SORCS1: variants seen among roughly 807,000 people sequenced by gnomAD.
The protein encoded by SORCS1 is VPS10 domain-containing receptor SorCS1.
In SORCS1, 60 loss-of-function variants were observed where a neutral mutation model predicts 146.1. The observed-to-expected ratio is 0.41, with a 90% confidence interval of 0.33 to 0.51. The LOEUF (loss-of-function observed/expected upper bound fraction) is 0.51, where lower values mean the gene tolerates loss of function less well. Ranked by LOEUF, SORCS1 falls within the 20% of genes least tolerant of loss-of-function variation. The probability of loss-of-function intolerance (pLI) is 0.21; values close to 1 mark genes in which losing one functional copy is unlikely to be tolerated. For missense variants in SORCS1, 1,352 were observed against 1,487.6 expected, an observed-to-expected ratio of 0.91 and a Z score of 1.50; for synonymous variants, 637 against 584.0, an observed-to-expected ratio of 1.09 and a Z score of -1.31.
chr10:106,619,208 T>A (rs2133480781), intron 20 of SORCS1, among the ~76,000 whole-genome samples: 1 of 152,310 alleles, frequency 6.6e-6, no homozygotes, highest in African/African-American at 2.4e-5. Flanking sequence ...TTAGTACTAG[T>A]TTTCAGGGAA....
intron 3 of SORCS1, among the ~76,000 whole-genome samples, chr10:106,801,380 A>AT (rs890766222): frequency 1.1e-3 from 161 of 149,140 alleles, no homozygotes; most frequent in African/African-American, 3.6e-3. Context: ...TAATTGGTCT[A>AT]TTTTTTTTAC....
chr10:107,110,387 T>C (rs549286019), intron 1 of SORCS1, among the ~76,000 whole-genome samples: 1 of 152,314 alleles, frequency 6.6e-6, no homozygotes, highest in South Asian at 2.1e-4. Context: ...ATAGAAAGTA[T>C]GGTGCAGGCA....
At chr10:106,969,281 C>G (rs1955653211) in intron 1 of SORCS1, among the ~76,000 whole-genome samples, 1 of 152,114 alleles carries the variant, frequency 6.6e-6, no homozygotes, top group Non-Finnish European at 1.5e-5. Context: ...TTAAAAGAAA[C>G]TTAAAATTGG....
intron 24 of SORCS1, among the ~76,000 whole-genome samples, chr10:106,581,556 A>G (rs1288476025): frequency 1.3e-5 from 2 of 152,128 alleles, no homozygotes; most frequent in Non-Finnish European, 2.9e-5. Context: ...ACATATATGC[A>G]TATGTGTATA....
intron 1 of SORCS1, among the ~76,000 whole-genome samples, chr10:107,107,937 A>G (rs2134431481): frequency 6.6e-6 from 1 of 152,348 alleles, no homozygotes; most frequent in East Asian, 1.9e-4. Flanking sequence ...GTAGACCCTG[A>G]AACAGCTCTG....
chr10:107,081,479 C>A (rs188396979), intron 1 of SORCS1, among the ~76,000 whole-genome samples: 24 of 152,324 alleles, frequency 1.6e-4, no homozygotes, highest in Non-Finnish European at 2.2e-4. Context: ...CTCAACTACT[C>A]CTCAAATCTG....
intron 17 of SORCS1, 37 bp from the exon 18 acceptor site, chr10:106,652,590 T>C (rs1379828885): frequency 1.9e-6 from 3 of 1,600,000 alleles, no homozygotes; most frequent in South Asian, 2.2e-5. Context: ...AACCAGCTCA[T>C]TATAATGTGA....
intron 1 of SORCS1, among the ~76,000 whole-genome samples, chr10:107,112,202 C>A (rs999496029): frequency 6.6e-6 from 1 of 151,484 alleles, no homozygotes; most frequent in Non-Finnish European, 1.5e-5. Context: ...TTAATGAACA[C>A]ACAATATAAA....
chr10:106,901,025 T>C lies in SORCS1; in HGVS notation c.626+55488A>G, dbSNP rs529202042. 5.3e-5 allele frequency among the ~76,000 whole-genome samples: 8 copies of C among 152,318 alleles called. No individual in the cohort carries two copies. In the South Asian group the frequency reaches 1.7e-3, roughly 32 times the overall value. ...TCTTTAGCATCATTAATGAAAATGC[T>C]CACATATCAGTGGCTGATGGTGCCC... On this transcript the variant is annotated intron_variant, in intron 2 of 25. Transcript: ENST00000263054.
intron 1 of SORCS1, among the ~76,000 whole-genome samples, chr10:107,152,272 C>A (rs1419451309): frequency 2.6e-5 from 4 of 152,212 alleles, no homozygotes; most frequent in Non-Finnish European, 4.4e-5. Flanking sequence ...CAGAAGTTTG[C>A]TGCAGGGGTG....
At chr10:106,792,024 CTT>C (rs1195742440) in intron 3 of SORCS1, among the ~76,000 whole-genome samples, 2 of 152,084 alleles carry the variant, frequency 1.3e-5, no homozygotes, top group Non-Finnish European at 2.9e-5. Context: ...GGGTATGTCT[CTT>C]TTTCTTATTG....
At chr10:106,948,689 GT>G (rs1448512301) in intron 2 of SORCS1, among the ~76,000 whole-genome samples, 1 of 152,014 alleles carries the variant, frequency 6.6e-6, no homozygotes, top group African/African-American at 2.4e-5. Context: ...GCCGGGCGCA[GT>G]GCCTCACGCC....
At chr10:106,837,408 T>G (rs1480335419) in intron 2 of SORCS1, among the ~76,000 whole-genome samples, 1 of 152,094 alleles carries the variant, frequency 6.6e-6, no homozygotes, top group Non-Finnish European at 1.5e-5. Flanking sequence ...TATTTGTAAC[T>G]GCCTGGTTCT....
chr10:107,003,402 GTA>G (rs967411676), intron 1 of SORCS1, among the ~76,000 whole-genome samples: 11 of 151,212 alleles, frequency 7.3e-5, no homozygotes, highest in African/African-American at 2.7e-4. Context: ...TGTGTTGTGT[GTA>G]TAGAGAGAAT....
chr10:106,579,060 G>A (rs567991522), intron 25 of SORCS1: 41 of 1,611,056 alleles, frequency 2.5e-5, no homozygotes, highest in African/African-American at 1.9e-4. Context: ...CTACTCAGCC[G>A]AACAGCTGGT....
chr10:106,801,524 A>ATT (rs34849434), intron 3 of SORCS1, among the ~76,000 whole-genome samples: 1,646 of 113,790 alleles, frequency 0.014, 47 homozygotes, highest in African/African-American at 0.035. Flanking sequence ...TAGTATAGCC[A>ATT]TTTTTTTTTT....
chr10:107,152,649 C>A (rs1468155509), intron 1 of SORCS1, among the ~76,000 whole-genome samples: 1 of 152,190 alleles, frequency 6.6e-6, no homozygotes, highest in Admixed American at 6.5e-5. Flanking sequence ...CTCTCTTCTG[C>A]TGTCACATGA....
intron 4 of SORCS1, among the ~76,000 whole-genome samples, chr10:106,766,472 T>C (rs113874235): frequency 7.2e-5 from 11 of 152,162 alleles, no homozygotes; most frequent in East Asian, 1.9e-4. Context: ...TCACCCTCAA[T>C]AGGAAGAAAG....
intron 2 of SORCS1, among the ~76,000 whole-genome samples, chr10:106,894,282 T>C (rs1173018831): frequency 3.4e-5 from 5 of 149,204 alleles, no homozygotes; most frequent in African/African-American, 9.9e-5. Context: ...TGTGTGTGTG[T>C]GTGTGTGTGT....
Sources: gnomAD v4.1 joint callset for allele counts (sites outside exome capture counted in the v4.1 genomes callset) on GRCh38, gnomAD v4.1.1 for gene constraint, MANE v1.5 for transcripts, NCBI Gene and HGNC (gene_info 2026-07-23, HGNC 2026-07-21) for gene names.